TSBP1: variants seen among roughly 807,000 people sequenced by gnomAD.
TSBP1 encodes testis-expressed basic protein 1.
A neutral mutation model predicts 68.8 loss-of-function variants in TSBP1; 56 were observed. The ratio of observed to expected loss-of-function variants is 0.81; its 90% CI spans 0.66 to 1.02. TSBP1 has a LOEUF of 1.02. Among genes scored for constraint, TSBP1 ranks in the 50% least tolerant of loss-of-function variants. The pLI, the probability that TSBP1 is intolerant of heterozygous loss-of-function variation, is 0.00. For synonymous variants in TSBP1, 171 were observed against 208.7 expected, an observed-to-expected ratio of 0.82 and a Z score of 1.56; for missense variants, 502 against 641.2, an observed-to-expected ratio of 0.78 and a Z score of 2.34.
chr6:32,336,014 G>A lies in TSBP1; in HGVS notation c.431-82C>T, dbSNP rs1769625811. 8 of 1,115,144 alleles carry A rather than the reference G, an allele frequency of 7.2e-6. No individual in the cohort carries two copies. Among genetic ancestry groups the A allele is most frequent in the African/African-American group, 1.5e-5 (1 of 65,472 alleles). 69.1% of individuals were successfully genotyped at this position (1,115,144 alleles called of 1,614,324 possible). A position where few individuals can be genotyped will look rare whatever the true frequency, so the allele number is the denominator to read the frequency against. On this transcript the variant is annotated intron_variant, in intron 12 of 22. Coordinates refer to ENST00000612031, the Ensembl canonical transcript of TSBP1. The surrounding 1 kb of genome is among the most constrained non-coding windows in gnomAD (Gnocchi z 5.2). ...AGGAAATTTCCATTTCCCAACACTC[G>A]CTCTAGGGAGTATCATAAATAGAAA... is the stretch of plus-strand genomic sequence containing the variant.
At chr6:32,307,692 C>T (rs909539036) in intron 19 of TSBP1, among the ~76,000 whole-genome samples, 1 of 150,982 alleles carries the variant, frequency 6.6e-6, no homozygotes, top group East Asian at 1.9e-4. Context: ...ATTTCAAAGG[C>T]TATGCTATAA....
At chr6:32,295,026 G>C (rs1203351318) in intron 22 of TSBP1, among the ~76,000 whole-genome samples, 1 of 152,000 alleles carries the variant, frequency 6.6e-6, no homozygotes, top group African/African-American at 2.4e-5. Flanking sequence ...AAAGAATACT[G>C]AATATAAAAG....
intron 9 of TSBP1, among the ~76,000 whole-genome samples, chr6:32,346,003 ATT>A (rs1164787889): frequency 3.9e-5 from 2 of 51,778 alleles, no homozygotes; most frequent in African/African-American, 1.3e-4. Flanking sequence ...TCATATCCTC[ATT>A]TTTTTTTTTT....
chr6:32,323,524 T>A, intron 17 of TSBP1, 67 bp downstream of exon 18: 1 of 1,455,200 alleles, frequency 6.9e-7, no homozygotes, highest in Non-Finnish European at 9.6e-7. Flanking sequence ...TAGAGACAGG[T>A]CTCTAAGCCT....
At chr6:32,364,375 C>T (rs1039538317) in intron 6 of TSBP1, among the ~76,000 whole-genome samples, 2 of 150,334 alleles carry the variant, frequency 1.3e-5, no homozygotes, top group African/African-American at 4.9e-5. Flanking sequence ...GATGGTGTCC[C>T]ATAAATCTTG....
chr6:32,302,850 T>C lies in TSBP1; in HGVS notation c.581-221A>G, dbSNP rs1285995657. On this transcript the variant is annotated intron_variant, in intron 19 of 22. Coordinates refer to ENST00000612031, the Ensembl canonical transcript of TSBP1. The surrounding 1 kb of genome is among the most constrained non-coding windows in gnomAD (Gnocchi z 5.1). ...GTCCAACTTATTGTTGTCTCTCTAATTGAGCTCTCTGCTTTCACCCTTGCC... is the reference window on the plus strand; with the variant it reads ...GTCCAACTTATTGTTGTCTCTCTAACTGAGCTCTCTGCTTTCACCCTTGCC... Among the ~76,000 whole-genome samples the C allele has an allele frequency of 6.6e-6, 1 of 152,210 alleles. No homozygotes were observed. Among genetic ancestry groups the C allele is most frequent in the African/African-American group, 2.4e-5 (1 of 41,460 alleles).
rs531764317 is a variant in TSBP1, at chr6:32,344,933, A to G, written c.349+4807T>C. On this transcript the variant is annotated intron_variant, in intron 9 of 22. Transcript: ENST00000612031. ...AAGTTCAGTGGTTGCATAGCTCACT[A>G]TAACCTCTCACTACTGGGCTCAAGT... Among the ~76,000 whole-genome samples, 190 of 152,138 alleles carry G rather than the reference A, an allele frequency of 1.2e-3. 2 individuals carry two copies. The highest frequency in any genetic ancestry group is 1.5e-3 in the Non-Finnish European group (100 of 67,990).
chr6:32,351,348 G>T (rs1771694835), intron 8 of TSBP1, among the ~76,000 whole-genome samples: 1 of 152,176 alleles, frequency 6.6e-6, no homozygotes, highest in Admixed American at 6.5e-5. Context: ...GGAGTCATTA[G>T]TTAAGATGAA....
At chr6:32,339,710 C>T in intron 9 of TSBP1, 72 bp from the exon 11 acceptor site, 1 of 677,640 alleles carries the variant, frequency 1.5e-6, no homozygotes, top group Non-Finnish European at 2.6e-6. Context: ...TAGACAATCC[C>T]ATTCCCTCCT....
chr6:32,328,975 G>A (rs1010327189), intron 16 of TSBP1, among the ~76,000 whole-genome samples: 1 of 152,128 alleles, frequency 6.6e-6, no homozygotes, highest in Admixed American at 6.5e-5. Flanking sequence ...GGCTTTTAGT[G>A]TACCCATTAC....
In TSBP1 at chr6:32,321,476, TG is replaced by T. The variant is rs1407885634; in HGVS notation, c.559+1640del. On this transcript the variant is annotated intron_variant, in intron 18 of 22. Transcript: ENST00000612031. This position sits in a 1 kb window ranked among gnomAD's most constrained non-coding sequence, Gnocchi z 4.3. The stretch of plus-strand genomic sequence containing the variant: ...CCTTCTCCTGACCTCAGGTGGGCAT[TG>T]GTCCCTGTGCCCAATTATAGGGCCT... 6.6e-6 allele frequency among the ~76,000 whole-genome samples: 1 copy of T among 152,210 alleles called. No homozygotes were observed. The highest frequency in any genetic ancestry group is 1.5e-5 in the Non-Finnish European group (1 of 68,034).
At chr6:32,369,500 G>A (rs772607804) in intron 2 of TSBP1, among the ~76,000 whole-genome samples, 7 of 151,232 alleles carry the variant, frequency 4.6e-5, no homozygotes, top group Non-Finnish European at 7.4e-5. Context: ...TCTCCCGAGC[G>A]GCTAGGCTTA....
intron 20 of TSBP1, among the ~76,000 whole-genome samples, chr6:32,300,924 T>G (rs6909427): frequency 0.25 from 38,033 of 152,220 alleles, 5,126 homozygotes; most frequent in African/African-American, 0.33. Flanking sequence ...TTGATCATTA[T>G]CAATTTTGTC....
chr6:32,346,478 C>T (rs945043136), intron 9 of TSBP1, among the ~76,000 whole-genome samples: 18 of 152,148 alleles, frequency 1.2e-4, no homozygotes, highest in African/African-American at 4.3e-4. Context: ...GCAAATTTTC[C>T]TGTATCTTTA....
chr6:32,363,444 C>T (rs150489915), intron 6 of TSBP1, among the ~76,000 whole-genome samples: 1,543 of 151,066 alleles, frequency 0.01, 55 homozygotes, highest in Middle Eastern at 0.037. Flanking sequence ...TATATCCTTT[C>T]TTCCTTTCTT....
At chr6:32,328,422 AT>A (rs201332386) in intron 16 of TSBP1, among the ~76,000 whole-genome samples, 172 of 135,086 alleles carry the variant, frequency 1.3e-3, no homozygotes, top group Admixed American at 1.5e-3. Context: ...TAACTTTTGT[AT>A]TTTTTTTTTT....
At chr6:32,324,878 T>C (rs1768045968) in intron 16 of TSBP1, among the ~76,000 whole-genome samples, 1 of 151,984 alleles carries the variant, frequency 6.6e-6, no homozygotes, top group African/African-American at 2.4e-5. Flanking sequence ...GCTGAGAAAA[T>C]AGAACTTCAA....
chr6:32,369,173 T>A (rs1351005565), intron 2 of TSBP1, among the ~76,000 whole-genome samples: 3 of 152,138 alleles, frequency 2.0e-5, no homozygotes, highest in Non-Finnish European at 4.4e-5. Flanking sequence ...CAAGTACTAC[T>A]CTGTATTTGT....
At position 32,349,768 on chromosome 6, in the gene TSBP1, A is replaced by C. The variant is rs1204526210; in HGVS notation, c.321T>G (p.Phe107Leu). The change falls in exon 9 of 23, where the codon TTT becomes TTG. Residue 107 changes from phenylalanine (F) to leucine (L), a missense_variant. Coordinates refer to ENST00000612031, the Ensembl canonical transcript of TSBP1. ...TACTTGATCGAGACAGTGCTAAAAT[A>C]AAACACATCAAAAGAAGAATGAGTT... 6.2e-7 allele frequency: 1 copy of C among 1,609,074 alleles called. No individual in the cohort carries two copies. Among genetic ancestry groups the C allele is most frequent in the South Asian group, 1.1e-5 (1 of 90,970 alleles).
Sources: allele counts gnomAD v4.1 joint callset (sites outside exome capture counted in the v4.1 genomes callset), GRCh38; gene constraint gnomAD v4.1.1; non-coding constraint Gnocchi (gnomAD v3.1); transcripts MANE v1.5; gene names NCBI Gene and HGNC (gene_info 2026-07-23, HGNC 2026-07-21).